Variants in CHIC2 observed in about 807,000 individuals in gnomAD.
CHIC2 encodes cysteine rich hydrophobic domain 2, also known as cysteine-rich hydrophobic domain-containing protein 2.
CHIC2 carries 14 observed loss-of-function variants against 25.9 expected under a neutral mutation model. The ratio of observed to expected loss-of-function variants is 0.54; its 90% CI spans 0.36 to 0.85. The LOEUF is 0.85. Ranked by LOEUF, CHIC2 falls within the 40% of genes least tolerant of loss-of-function variation. The pLI, the probability that CHIC2 is intolerant of heterozygous loss-of-function variation, is 0.01. For synonymous variants in CHIC2, 70 were observed against 72.0 expected (o/e 0.97, Z 0.14); for missense variants, 146 against 202.0 (o/e 0.72, Z 1.68).
intron 1 of CHIC2, among the ~76,000 whole-genome samples, chr4:54,055,010 G>C (rs961424353): frequency 2.6e-5 from 4 of 152,118 alleles, no homozygotes; most frequent in African/African-American, 9.7e-5. Flanking sequence ...CCTTTGAGGG[G>C]CCTGATACAG....
chr4:54,048,840 T>C (rs1212865917), intron 3 of CHIC2, 115 bp downstream of exon 3: 22 of 849,548 alleles, frequency 2.6e-5, no homozygotes, highest in African/African-American at 2.1e-4. Context: ...TCAGATTATT[T>C]TCATATTTTA....
the CHIC2 span, among the ~76,000 whole-genome samples, chr4:54,085,357 G>C: frequency 6.6e-6 from 1 of 152,090 alleles, no homozygotes; most frequent in South Asian, 2.1e-4. Context: ...CAATTATTAC[G>C]AAGTATCTGT....
chr4:54,091,315 T>C, the CHIC2 span, among the ~76,000 whole-genome samples: 1 of 152,152 alleles, frequency 6.6e-6, no homozygotes, highest in African/African-American at 2.4e-5. Flanking sequence ...GGCACTGGGC[T>C]GCGCCCGTAG....
At chr4:54,031,564 C>T (rs1716228909) in intron 3 of CHIC2, among the ~76,000 whole-genome samples, 1 of 150,792 alleles carries the variant, frequency 6.6e-6, no homozygotes, top group African/African-American at 2.4e-5. Flanking sequence ...TTGAACTAAG[C>T]ACCTACTATG....
intron 3 of CHIC2, among the ~76,000 whole-genome samples, chr4:54,047,264 T>A (rs1280721932): frequency 6.6e-6 from 1 of 152,046 alleles, no homozygotes; most frequent in African/African-American, 2.4e-5. Context: ...ATCTAGAACT[T>A]GAAATACCAT....
At chr4:54,063,840 G>C (rs1017842600) in intron 1 of CHIC2, among the ~76,000 whole-genome samples, 4 of 152,214 alleles carry the variant, frequency 2.6e-5, no homozygotes, top group Non-Finnish European at 4.4e-5. Flanking sequence ...GGGTAACTGG[G>C]CGAGAAAACA....
At chr4:54,031,608 TTGC>T (rs1716230216) in intron 3 of CHIC2, among the ~76,000 whole-genome samples, 1 of 149,524 alleles carries the variant, frequency 6.7e-6, no homozygotes, top group Non-Finnish European at 1.5e-5. Context: ...CTAGATGTAC[TTGC>T]TTTTTTTTTT....
intron 3 of CHIC2, among the ~76,000 whole-genome samples, chr4:54,036,477 G>C (rs1372914890): frequency 6.6e-6 from 1 of 152,118 alleles, no homozygotes; most frequent in African/African-American, 2.4e-5. Flanking sequence ...GGAGCAACGG[G>C]GTTGGGGGAG....
At chr4:54,065,348 C>T (rs993021293), upstream of CHIC2, 1 of 983,434 alleles carries the variant, frequency 1.0e-6, no homozygotes, top group Non-Finnish European at 1.2e-6. Context: ...CCAACTCTCT[C>T]ACCAAACATA....
chr4:54,050,783 T>C (rs10032159), intron 1 of CHIC2, among the ~76,000 whole-genome samples: 8,953 of 152,202 alleles, frequency 0.059, 887 homozygotes, highest in African/African-American at 0.2. Context: ...ATTTTAAGTT[T>C]GTATACACAC....
intron 3 of CHIC2, among the ~76,000 whole-genome samples, chr4:54,020,411 C>T (rs1013936727): frequency 2.6e-5 from 4 of 152,222 alleles, no homozygotes; most frequent in Non-Finnish European, 5.9e-5. Context: ...TTTGCTGACT[C>T]TCTTTTTGGA....
intron 3 of CHIC2, among the ~76,000 whole-genome samples, chr4:54,022,284 C>T (rs376807448): frequency 1.2e-4 from 18 of 152,262 alleles, no homozygotes; most frequent in Admixed American, 3.3e-4. Context: ...TGAAGACCGA[C>T]GCTGCCCGAT....
intron 3 of CHIC2, among the ~76,000 whole-genome samples, chr4:54,029,266 T>C (rs1461514018): frequency 6.6e-6 from 1 of 152,228 alleles, no homozygotes; most frequent in Admixed American, 6.5e-5. Context: ...AATTTCTCTA[T>C]GTTCTATTTT....
At chr4:54,090,588 C>T in the CHIC2 span, among the ~76,000 whole-genome samples, 40,687 of 152,110 alleles carry the variant, frequency 0.27, 5,934 homozygotes, top group African/African-American at 0.39. Context: ...AACGTCATCA[C>T]ACATCAACGT....
the CHIC2 span, among the ~76,000 whole-genome samples, chr4:54,082,141 T>C: frequency 9.2e-5 from 14 of 152,352 alleles, no homozygotes; most frequent in African/African-American, 3.1e-4. Context: ...ATACTGTATA[T>C]GATTTTGTGC....
chr4:54,089,898 C>T, the CHIC2 span, among the ~76,000 whole-genome samples: 2 of 152,264 alleles, frequency 1.3e-5, no homozygotes, highest in East Asian at 3.9e-4. Flanking sequence ...CATGACATCA[C>T]AAGTGGAAAA....
At chr4:54,040,020 T>C (rs1481031549) in intron 3 of CHIC2, among the ~76,000 whole-genome samples, 1 of 152,128 alleles carries the variant, frequency 6.6e-6, no homozygotes, top group Non-Finnish European at 1.5e-5. Flanking sequence ...AGATCACTGG[T>C]TGCCAGGGTT....
chr4:54,078,711 C>T, the CHIC2 span, among the ~76,000 whole-genome samples: 9 of 151,796 alleles, frequency 5.9e-5, no homozygotes, highest in East Asian at 3.9e-4. Flanking sequence ...GATGGGGTTT[C>T]GCCATGTTGG....
chr4:54,044,108 C>A (rs1221490436), intron 3 of CHIC2, among the ~76,000 whole-genome samples: 2 of 152,158 alleles, frequency 1.3e-5, no homozygotes, highest in Non-Finnish European at 2.9e-5. Context: ...AACTAACTAT[C>A]CTAAATATAC....
Sources: allele counts gnomAD v4.1 joint callset (sites outside exome capture counted in the v4.1 genomes callset), GRCh38; gene constraint gnomAD v4.1.1; transcripts MANE v1.5; gene names NCBI Gene and HGNC (gene_info 2026-07-23, HGNC 2026-07-21).